Variants in ESRRB observed in about 807,000 individuals in gnomAD.
The protein encoded by ESRRB is steroid hormone receptor ERR2.
ESRRB carries 16 observed loss-of-function variants against 46.0 expected under a neutral mutation model. That is an observed-to-expected ratio of 0.35 (90% CI 0.24 to 0.53). The LOEUF is 0.53. Ranked by LOEUF, ESRRB falls within the 20% of genes least tolerant of loss-of-function variation. The pLI, the probability that ESRRB is intolerant of heterozygous loss-of-function variation, is 0.93. For missense variants in ESRRB, 488 were observed against 607.4 expected (o/e 0.80, Z 2.07); for synonymous variants, 246 against 259.6 (o/e 0.95, Z 0.50).
At chr14:76,366,077 C>T (rs564779645) in intron 1 of ESRRB, among the ~76,000 whole-genome samples, 1 of 152,244 alleles carries the variant, frequency 6.6e-6, no homozygotes, top group South Asian at 2.1e-4. Flanking sequence ...AAAAGCAAGC[C>T]TCTCCCCTAC....
At chr14:76,460,629 A>G (rs1413529530) in intron 2 of ESRRB, among the ~76,000 whole-genome samples, 1 of 152,192 alleles carries the variant, frequency 6.6e-6, no homozygotes, top group Non-Finnish European at 1.5e-5. Context: ...GACCTCAAGC[A>G]CTTTGGGACA....
intron 1 of ESRRB, among the ~76,000 whole-genome samples, chr14:76,338,083 T>G (rs1884149129): frequency 2.0e-5 from 3 of 152,146 alleles, no homozygotes; most frequent in Admixed American, 1.3e-4. Context: ...TATTTTTACC[T>G]CTCACTAAAG....
At chr14:76,338,793 C>A (rs753110090) in intron 1 of ESRRB, among the ~76,000 whole-genome samples, 2 of 152,016 alleles carry the variant, frequency 1.3e-5, no homozygotes, top group Non-Finnish European at 2.9e-5. Context: ...TAAAAACACA[C>A]AAAAAATTAG....
In ESRRB at chr14:76,325,656, G is replaced by A. The variant is rs537148623; in HGVS notation, c.2+14740G>A. On this transcript the variant is annotated intron_variant, in intron 1 of 6. Coordinates refer to the ESRRB transcript ENST00000512784. Reference sequence around the variant, plus strand: ...GTAGCTCCTCAGCCTACCTGAGGAGGCTGCAGACCTAGGCAATGGCAAAGA... The same window carrying A: ...GTAGCTCCTCAGCCTACCTGAGGAGACTGCAGACCTAGGCAATGGCAAAGA... 2.2e-4 allele frequency among the ~76,000 whole-genome samples: 34 copies of A among 152,284 alleles called. No homozygotes were observed. In the East Asian group the frequency reaches 6.0e-3, roughly 27 times the overall value.
rs146947370 is a variant in ESRRB at position 76,476,700 on chromosome 14, T to G, written c.578-5316T>G. ...TACAAGAAGCCTGGAGATGCGCAGC[T>G]GCTGTATTGCACAAAGTTCTCAGCC... On this transcript the variant is annotated intron_variant, in intron 3 of 6. Transcript: ENST00000644823. Among the ~76,000 whole-genome samples, 691 of 151,376 alleles carry G rather than the reference T, an allele frequency of 4.6e-3. 5 individuals are homozygous for G. Among genetic ancestry groups the G allele is most frequent in the African/African-American group, 0.016 (658 of 40,682 alleles).
chr14:76,428,478 C>G (rs1039508812), intron 1 of ESRRB, among the ~76,000 whole-genome samples: 4 of 152,138 alleles, frequency 2.6e-5, no homozygotes, highest in Admixed American at 6.6e-5. Flanking sequence ...CAAACACACC[C>G]CTTTGTGGTG....
intron 1 of ESRRB, among the ~76,000 whole-genome samples, chr14:76,408,344 C>T (rs969536615): frequency 2.6e-5 from 4 of 151,938 alleles, no homozygotes; most frequent in Admixed American, 6.6e-5. Context: ...CTTGGGAGGC[C>T]GAGGCAAAAG....
intron 1 of ESRRB, among the ~76,000 whole-genome samples, chr14:76,422,448 T>G (rs1422339768): frequency 6.6e-6 from 1 of 151,944 alleles, no homozygotes; most frequent in Admixed American, 6.6e-5. Flanking sequence ...CCTGACCTCA[T>G]GATCTGCCTG....
chr14:76,401,053 C>T (rs61979392), intron 1 of ESRRB, among the ~76,000 whole-genome samples: 2 of 151,564 alleles, frequency 1.3e-5, no homozygotes, highest in Non-Finnish European at 2.9e-5. Context: ...GTGATCACAG[C>T]TCCGGCCCAG....
At chr14:76,395,012 C>G (rs1302466312) in intron 1 of ESRRB, among the ~76,000 whole-genome samples, 1 of 152,216 alleles carries the variant, frequency 6.6e-6, no homozygotes, top group Non-Finnish European at 1.5e-5. Context: ...TTGCTGCCAT[C>G]ATCTCCCTAT....
At chr14:76,478,885 C>T (rs1889689765) in intron 3 of ESRRB, among the ~76,000 whole-genome samples, 1 of 152,074 alleles carries the variant, frequency 6.6e-6, no homozygotes, top group Admixed American at 6.5e-5. Context: ...ACTGAAGGGG[C>T]TTGCAGGGGG....
chr14:76,390,394 C>T (rs1030871693), intron 1 of ESRRB, among the ~76,000 whole-genome samples: 1 of 152,098 alleles, frequency 6.6e-6, no homozygotes, highest in South Asian at 2.1e-4. Context: ...GAGGCTGAGG[C>T]AGGAGGATCA....
rs1294633290 is a variant in ESRRB at position 76,364,544 on chromosome 14, T to G, written c.2+53628T>G. 2.0e-5 allele frequency among the ~76,000 whole-genome samples: 3 copies of G among 151,894 alleles called. No homozygotes were observed. The East Asian group carries it at 5.8e-4, about 29-fold the overall frequency. On this transcript the variant is annotated intron_variant, in intron 1 of 6. Coordinates refer to the ESRRB transcript ENST00000512784. Reference sequence around the variant, plus strand: ...TCTCTACTAAAAGAAATGCAAAAATTAGCGAGGTGTGGTGGTGCATGCCTG... The same window carrying G: ...TCTCTACTAAAAGAAATGCAAAAATGAGCGAGGTGTGGTGGTGCATGCCTG...
intron 1 of ESRRB, among the ~76,000 whole-genome samples, chr14:76,395,868 G>T (rs1885656853): frequency 6.6e-6 from 1 of 150,976 alleles, no homozygotes; most frequent in Admixed American, 6.6e-5. Context: ...GTTGAGAAAT[G>T]CTTTGGCATT....
At chr14:76,463,958 C>T (rs1888998837) in intron 3 of ESRRB, among the ~76,000 whole-genome samples, 1 of 152,178 alleles carries the variant, frequency 6.6e-6, no homozygotes, top group Admixed American at 6.5e-5. Context: ...CCACCTCAGC[C>T]TCCTAAAGTG....
chr14:76,313,156 C>T (rs1883758625), intron 1 of ESRRB, among the ~76,000 whole-genome samples: 1 of 152,078 alleles, frequency 6.6e-6, no homozygotes, highest in African/African-American at 2.4e-5. Flanking sequence ...GAGGGCCTGG[C>T]TTTCATCCTC....
intron 1 of ESRRB, among the ~76,000 whole-genome samples, chr14:76,333,449 G>GA (rs1566854142): frequency 2.2e-5 from 1 of 46,250 alleles, no homozygotes; most frequent in African/African-American, 1.1e-4. Context: ...TGATATATAA[G>GA]TATATCATAT....
rs531093610 is a variant in ESRRB, at chr14:76,434,817, A to C, written c.51-4524A>C. Among the ~76,000 whole-genome samples the C allele has an allele frequency of 1.0e-3, 157 of 152,296 alleles. 1 individual carries two copies. Among genetic ancestry groups the C allele is most frequent in the Middle Eastern group, 3.4e-3 (1 of 294 alleles). On this transcript the variant is annotated intron_variant, in intron 1 of 6. Transcript: ENST00000644823. ...AGCTCTTGCCCAGGCCTGGTAGCAGAGAGGCAGAGTGCTGTGAAGCAAGGA... is the reference window on the plus strand; with the variant it reads ...AGCTCTTGCCCAGGCCTGGTAGCAGCGAGGCAGAGTGCTGTGAAGCAAGGA...
upstream of ESRRB, among the ~76,000 whole-genome samples, chr14:76,375,686 G>T (rs1172795160): frequency 6.6e-6 from 1 of 152,192 alleles, no homozygotes; most frequent in Non-Finnish European, 1.5e-5. Flanking sequence ...CGCACACAGC[G>T]CAGGGTTTGA....
Sources: allele counts gnomAD v4.1 joint callset (sites outside exome capture counted in the v4.1 genomes callset), GRCh38; gene constraint gnomAD v4.1.1; transcripts MANE v1.5; gene names NCBI Gene and HGNC (gene_info 2026-07-23, HGNC 2026-07-21).